Variants in SEMA3D observed in about 807,000 individuals in gnomAD.
SEMA3D encodes the protein semaphorin 3D.
SEMA3D carries 84 observed loss-of-function variants against 100.1 expected under a neutral mutation model. The ratio of observed to expected loss-of-function variants is 0.84; its 90% CI spans 0.70 to 1.01. The LOEUF is 1.01. Among genes scored for constraint, SEMA3D ranks in the 50% least tolerant of loss-of-function variants. The pLI is 0.00. For synonymous variants in SEMA3D, 312 were observed against 320.7 expected (o/e 0.97, Z 0.29); for missense variants, 875 against 934.1 (o/e 0.94, Z 0.82).
chr7:85,137,493 C>G (rs943776843), intron 2 of SEMA3D, among the ~76,000 whole-genome samples: 4 of 151,830 alleles, frequency 2.6e-5, no homozygotes, highest in Admixed American at 1.3e-4. Context: ...TTAATGATAC[C>G]TTTAATAATG....
In SEMA3D at chr7:85,091,117, A is replaced by AGAAGGAAGGAAGGAGGGAAG. The variant is rs773565298; in HGVS notation, c.312+6668_312+6687dup. ...GAGAGGGAGAGAGGGAGGGAGGGAA[A>AGAAGGAAGGAAGGAGGGAAG]GAAGGAAGGAAGGAGGGAAGGAAGG... On this transcript the variant is annotated intron_variant, in intron 4 of 18. Coordinates refer to ENST00000284136, the MANE Select transcript of SEMA3D (RefSeq NM_001384900.1). 1.3e-3 allele frequency among the ~76,000 whole-genome samples: 190 copies of AGAAGGAAGGAAGGAGGGAAG among 140,762 alleles called. 3 individuals carry two copies. Among genetic ancestry groups the AGAAGGAAGGAAGGAGGGAAG allele is most frequent in the African/African-American group, 4.7e-3 (180 of 37,944 alleles). 92.3% of individuals were successfully genotyped at this position (140,762 alleles called of 152,430 possible). A position where few individuals can be genotyped will look rare whatever the true frequency, so the allele number is the denominator to read the frequency against.
the SEMA3D span, among the ~76,000 whole-genome samples, chr7:85,236,120 T>C: frequency 6.6e-6 from 1 of 151,976 alleles, no homozygotes; most frequent in African/African-American, 2.4e-5. Context: ...TCTAACTGGC[T>C]TTCAGATACC....
chr7:85,178,051 T>C (rs1791287654), intron 1 of SEMA3D, among the ~76,000 whole-genome samples: 1 of 152,188 alleles, frequency 6.6e-6, no homozygotes, highest in African/African-American at 2.4e-5. Flanking sequence ...TCTCTGCACT[T>C]CTATCTCCTG....
At chr7:85,112,050 T>C (rs1301014213) in intron 3 of SEMA3D, among the ~76,000 whole-genome samples, 1 of 152,148 alleles carries the variant, frequency 6.6e-6, no homozygotes, top group Non-Finnish European at 1.5e-5. Flanking sequence ...TTTTTCTCCA[T>C]AGTGTTGGTC....
At chr7:85,005,198 A>C (rs2115735021) in intron 18 of SEMA3D, among the ~76,000 whole-genome samples, 1 of 152,182 alleles carries the variant, frequency 6.6e-6, no homozygotes, top group African/African-American at 2.4e-5. Context: ...TGTGACACTT[A>C]AGATTAAAAC....
chr7:85,093,979 A>G (rs1485416336), intron 4 of SEMA3D, among the ~76,000 whole-genome samples: 1 of 152,032 alleles, frequency 6.6e-6, no homozygotes, highest in African/African-American at 2.4e-5. Flanking sequence ...AAAGGTGAAA[A>G]AAATATAATT....
At chr7:85,016,250 CTTT>C (rs59812080) in intron 15 of SEMA3D, among the ~76,000 whole-genome samples, 5,874 of 128,732 alleles carry the variant, frequency 0.046, 395 homozygotes, top group African/African-American at 0.15. Flanking sequence ...TTTGTGATTC[CTTT>C]TTTTTTTTTT....
At chr7:85,060,825 C>G (rs1791458473) in intron 8 of SEMA3D, among the ~76,000 whole-genome samples, 1 of 152,148 alleles carries the variant, frequency 6.6e-6, no homozygotes, top group Non-Finnish European at 1.5e-5. Context: ...GACAACAGAT[C>G]ATCCCAAGAG....
the SEMA3D span, among the ~76,000 whole-genome samples, chr7:85,247,323 A>G: frequency 6.6e-6 from 1 of 152,084 alleles, no homozygotes; most frequent in African/African-American, 2.4e-5. Flanking sequence ...TCATTATATA[A>G]AAAATAAATT....
At chr7:85,206,919 T>C in the SEMA3D span, among the ~76,000 whole-genome samples, 378 of 152,204 alleles carry the variant, frequency 2.5e-3, no homozygotes, top group Non-Finnish European at 4.3e-3. Context: ...AATTAATACA[T>C]TTTCATCATA....
chr7:85,082,545 C>T (rs532448748), intron 4 of SEMA3D, among the ~76,000 whole-genome samples: 3 of 152,018 alleles, frequency 2.0e-5, no homozygotes, highest in East Asian at 1.9e-4. Flanking sequence ...CAGGAGTTCC[C>T]GATAGACTTT....
At position 84,999,269 on chromosome 7, in the gene SEMA3D, T is replaced by C. The variant is rs2115692121; in HGVS notation, c.*171A>G. ...TTTGTTCTTGGAAAACTGGTTCAAA[T>C]GAATTTTTTGCCCTTTCTTATATTC... On this transcript the variant is annotated 3_prime_UTR_variant, in exon 19 of 19. Transcript: ENST00000284136. The C allele has an allele frequency of 1.7e-6, 1 of 583,724 alleles. No homozygotes were observed. 36.2% of individuals were successfully genotyped at this position (583,724 alleles called of 1,614,324 possible).
chr7:85,250,070 C>G, the SEMA3D span, among the ~76,000 whole-genome samples: 1 of 152,100 alleles, frequency 6.6e-6, no homozygotes, highest in African/African-American at 2.4e-5. Flanking sequence ...CACAAGGGGT[C>G]AGGGAGTTCC....
chr7:85,131,208 A>G lies in SEMA3D; in HGVS notation c.-40-9277T>C, dbSNP rs138695411. Among the ~76,000 whole-genome samples, 2 of 152,238 alleles carry G rather than the reference A, an allele frequency of 1.3e-5. 1 individual carries two copies. Among genetic ancestry groups the G allele is most frequent in the East Asian group, 3.9e-4 (2 of 5,178 alleles). ...ACAGTTTGTAAGGCCTGTAAAGCAG[A>G]GTTTTCAGGAAAATACTATATAACA... On this transcript the variant is annotated intron_variant, in intron 2 of 18. Coordinates refer to ENST00000284136, the MANE Select transcript of SEMA3D (RefSeq NM_001384900.1).
At chr7:85,163,814 C>T (rs1425274737) in intron 1 of SEMA3D, among the ~76,000 whole-genome samples, 4 of 152,028 alleles carry the variant, frequency 2.6e-5, no homozygotes, top group Admixed American at 6.6e-5. Context: ...CCAAGCATTT[C>T]GTATCTGAAT....
rs1288224298 is a variant in SEMA3D at position 85,116,498 on chromosome 7, TATGTATGTATGC to T, written c.151+5231_151+5242del. Among the ~76,000 whole-genome samples the T allele has an allele frequency of 4.0e-5, 6 of 150,310 alleles. No homozygotes were observed. The East Asian group carries it at 1.2e-3, about 29-fold the overall frequency. ...ATAAATTGTTTTATATAGGTGTATATATGTATGTATGCATGTATGTATTCTGGATTCAAATCT... is the reference window on the plus strand; with the variant it reads ...ATAAATTGTTTTATATAGGTGTATATATGTATGTATTCTGGATTCAAATCT... On this transcript the variant is annotated intron_variant, in intron 3 of 18. Transcript: ENST00000284136.
intron 2 of SEMA3D, chr7:85,141,908 G>A (rs776775977): frequency 4.1e-5 from 40 of 975,968 alleles, no homozygotes; most frequent in Non-Finnish European, 4.7e-5. Context: ...AGATTTCTCA[G>A]TATTAATTTA....
intron 3 of SEMA3D, among the ~76,000 whole-genome samples, chr7:85,117,838 A>G (rs1023587161): frequency 1.3e-5 from 2 of 151,220 alleles, no homozygotes; most frequent in South Asian, 2.1e-4. Context: ...TAGATACTAT[A>G]TATAGATACA....
intron 13 of SEMA3D, among the ~76,000 whole-genome samples, chr7:85,020,878 G>A (rs990162588): frequency 1.3e-5 from 2 of 151,490 alleles, no homozygotes; most frequent in Non-Finnish European, 3.0e-5. Flanking sequence ...ATGAGAAATG[G>A]AAGGTTTGTT....
Sources: allele counts gnomAD v4.1 joint callset (sites outside exome capture counted in the v4.1 genomes callset), GRCh38; gene constraint gnomAD v4.1.1; transcripts MANE v1.5; gene names NCBI Gene and HGNC (gene_info 2026-07-23, HGNC 2026-07-21).